Variants in GBE1 observed in about 807,000 individuals in gnomAD.
The protein encoded by GBE1 is 1,4-alpha-glucan-branching enzyme.
A neutral mutation model predicts 88.8 loss-of-function variants in GBE1; 70 were observed. The ratio of observed to expected loss-of-function variants is 0.79; its 90% CI spans 0.65 to 0.96. The LOEUF (loss-of-function observed/expected upper bound fraction) is 0.96. GBE1 is among the 40% of genes least tolerant of loss of function. GBE1 has a pLI of 0.00. For synonymous variants in GBE1, 284 were observed against 300.1 expected (o/e 0.95, Z 0.56); for missense variants, 872 against 871.0 (o/e 1.00, Z -0.01).
At chr3:81,570,936 C>G (rs1703565434) in intron 12 of GBE1, among the ~76,000 whole-genome samples, 1 of 152,052 alleles carries the variant, frequency 6.6e-6, no homozygotes, top group South Asian at 2.1e-4. Context: ...CTACCAAGTG[C>G]CCTATATAAA....
intron 12 of GBE1, among the ~76,000 whole-genome samples, chr3:81,569,890 C>T (rs1413038171): frequency 6.6e-6 from 1 of 152,144 alleles, no homozygotes; most frequent in Non-Finnish European, 1.5e-5. Flanking sequence ...TCTTAGCTCA[C>T]TGCAACCTCC....
intron 15 of GBE1, among the ~76,000 whole-genome samples, chr3:81,494,646 G>A (rs193204201): frequency 2.1e-4 from 32 of 152,136 alleles, no homozygotes; most frequent in African/African-American, 6.7e-4. Flanking sequence ...ATGAGACAAC[G>A]TAGTATACAG....
At chr3:81,587,489 T>C (rs569695451) in intron 9 of GBE1, among the ~76,000 whole-genome samples, 1 of 152,286 alleles carries the variant, frequency 6.6e-6, no homozygotes, top group African/African-American at 2.4e-5. Context: ...TCCGCTCCTA[T>C]TACTGCCCTT....
At chr3:81,701,371 C>T (rs1398702793) in intron 2 of GBE1, among the ~76,000 whole-genome samples, 2 of 152,184 alleles carry the variant, frequency 1.3e-5, no homozygotes, top group South Asian at 4.1e-4. Context: ...AAGCTGTTTT[C>T]CTACTAGTTT....
At chr3:81,552,893 C>T (rs1210718802) in intron 12 of GBE1, among the ~76,000 whole-genome samples, 1 of 152,070 alleles carries the variant, frequency 6.6e-6, no homozygotes, top group Non-Finnish European at 1.5e-5. Flanking sequence ...AAATAATCTT[C>T]ACAAAAACCC....
In GBE1 at chr3:81,733,533, T is replaced by C. The variant is rs1706216204; in HGVS notation, c.143+27842A>G. Among the ~76,000 whole-genome samples, 1 of 152,092 alleles carries C rather than the reference T, an allele frequency of 6.6e-6. No individual in the cohort carries two copies. Among genetic ancestry groups the C allele is most frequent in the Non-Finnish European group, 1.5e-5 (1 of 68,004 alleles). On this transcript the variant is annotated intron_variant, in intron 1 of 15. Coordinates refer to ENST00000429644, the MANE Select transcript of GBE1 (RefSeq NM_000158.4). This position sits in a 1 kb window ranked among gnomAD's most constrained non-coding sequence, Gnocchi z 4.0. The stretch of plus-strand genomic sequence containing the variant: ...GGGACCCCTGCTCTTGGCAAACCCC[T>C]GTGTAGAGGCTTTTGCACTGGCCAT...
intron 14 of GBE1, among the ~76,000 whole-genome samples, chr3:81,500,202 C>T (rs1469901959): frequency 6.6e-6 from 1 of 152,082 alleles, no homozygotes; most frequent in Admixed American, 6.6e-5. Flanking sequence ...CAATCCAGGT[C>T]AGCCTTCTCT....
At chr3:81,732,345 A>G (rs745722571) in intron 1 of GBE1, among the ~76,000 whole-genome samples, 2 of 152,190 alleles carry the variant, frequency 1.3e-5, no homozygotes, top group Non-Finnish European at 2.9e-5. Flanking sequence ...CCAGATTCAC[A>G]TATATTAAAA....
At chr3:81,501,304 G>C (rs1335976584) in intron 14 of GBE1, among the ~76,000 whole-genome samples, 1 of 152,158 alleles carries the variant, frequency 6.6e-6, no homozygotes, top group Non-Finnish European at 1.5e-5. Context: ...GTTTGTACAG[G>C]TCTGTTTCGG....
At position 81,561,147 on chromosome 3, in the gene GBE1, T is replaced by G. The variant is rs114535700; in HGVS notation, c.1618+16778A>C. Among the ~76,000 whole-genome samples, 1,319 of 152,088 alleles carry G rather than the reference T, an allele frequency of 8.7e-3. 16 individuals are homozygous for G. Among genetic ancestry groups the G allele is most frequent in the African/African-American group, 0.03 (1,256 of 41,510 alleles). ...TTACAAACACCAAATTAAAAAAAAT[T>G]ACAGATGATAACGTATAAAGTGTTA... On this transcript the variant is annotated intron_variant, in intron 12 of 15. Coordinates refer to ENST00000429644, the MANE Select transcript of GBE1 (RefSeq NM_000158.4).
chr3:81,638,292 A>C (rs1704620585), intron 7 of GBE1, among the ~76,000 whole-genome samples: 1 of 152,160 alleles, frequency 6.6e-6, no homozygotes, highest in South Asian at 2.1e-4. Context: ...GTGTCCAAAC[A>C]TAAGTTTAAG....
At chr3:81,745,350 C>T (rs1706406762) in intron 1 of GBE1, among the ~76,000 whole-genome samples, 1 of 152,050 alleles carries the variant, frequency 6.6e-6, no homozygotes. Flanking sequence ...ATACTTATAG[C>T]TTACATATTT....
intron 7 of GBE1, among the ~76,000 whole-genome samples, chr3:81,637,568 C>T (rs1020016503): frequency 2.0e-5 from 3 of 152,002 alleles, no homozygotes; most frequent in East Asian, 1.9e-4. Flanking sequence ...TGTGGTTGTA[C>T]ATATTTATCC....
At chr3:81,577,373 A>C (rs1703663502) in intron 12 of GBE1, among the ~76,000 whole-genome samples, 1 of 152,164 alleles carries the variant, frequency 6.6e-6, no homozygotes, top group Admixed American at 6.5e-5. Flanking sequence ...ACCAACTAGA[A>C]GTCAATTTTT....
chr3:81,625,058 T>C (rs1354779294), intron 7 of GBE1, among the ~76,000 whole-genome samples: 2 of 131,254 alleles, frequency 1.5e-5, no homozygotes, highest in East Asian at 5.1e-4. Flanking sequence ...AATCCTTCCC[T>C]GCCTCAGAAT....
intron 9 of GBE1, among the ~76,000 whole-genome samples, chr3:81,586,716 G>A (rs1307975641): frequency 2.0e-5 from 3 of 151,976 alleles, no homozygotes; most frequent in Admixed American, 6.6e-5. Context: ...TTTGAGATTA[G>A]GTAGGGATTA....
At chr3:81,530,245 C>T (rs775372986) in intron 14 of GBE1, among the ~76,000 whole-genome samples, 13 of 151,560 alleles carry the variant, frequency 8.6e-5, no homozygotes, top group African/African-American at 2.7e-4. Context: ...TTGCATTTCA[C>T]GAGCTTCCTC....
chr3:81,671,597 A>G (rs1395985099), intron 2 of GBE1, among the ~76,000 whole-genome samples: 1 of 152,158 alleles, frequency 6.6e-6, no homozygotes, highest in Non-Finnish European at 1.5e-5. Flanking sequence ...TGGTGCTGGA[A>G]AAATTGGTTA....
At chr3:81,647,219 A>G (rs1213716799) in intron 5 of GBE1, among the ~76,000 whole-genome samples, 1 of 152,136 alleles carries the variant, frequency 6.6e-6, no homozygotes, top group East Asian at 1.9e-4. Context: ...CAGCCTCCCA[A>G]AGTGCTGGGA....
Sources: gnomAD v4.1 joint callset for allele counts (sites outside exome capture counted in the v4.1 genomes callset) on GRCh38, gnomAD v4.1.1 for gene constraint, Gnocchi (gnomAD v3.1) non-coding constraint, MANE v1.5 for transcripts, NCBI Gene and HGNC (gene_info 2026-07-23, HGNC 2026-07-21) for gene names.